The following GALNT13 variants were observed in gnomAD, a reference collection of about 807,000 sequenced individuals.
GALNT13 encodes the protein UDP-GalNAc:polypeptide N-acetylgalactosaminyltransferase 13.
A neutral mutation model predicts 64.2 loss-of-function variants in GALNT13; 28 were observed. The observed-to-expected ratio is 0.44, with a 90% CI of 0.32 to 0.60. The LOEUF (loss-of-function observed/expected upper bound fraction) is 0.60, where lower values mean the gene tolerates loss of function less well. GALNT13 is among the 20% of genes least tolerant of loss of function. The pLI, the probability that GALNT13 is intolerant of heterozygous loss-of-function variation, is 0.05. For synonymous variants in GALNT13, 214 were observed against 224.6 expected (o/e 0.95, Z 0.42); for missense variants, 577 against 669.8 (o/e 0.86, Z 1.53).
intron 2 of GALNT13, among the ~76,000 whole-genome samples, chr2:153,916,715 C>T (rs531433576): frequency 6.6e-6 from 1 of 152,066 alleles, no homozygotes; most frequent in Non-Finnish European, 1.5e-5. Flanking sequence ...TTTAGTTTAC[C>T]TATCTTATAT....
chr2:153,862,722 A>G, the GALNT13 span, among the ~76,000 whole-genome samples: 1 of 151,942 alleles, frequency 6.6e-6, no homozygotes, highest in Non-Finnish European at 1.5e-5. Flanking sequence ...ATTTTATAGC[A>G]TATATATATT....
At chr2:154,190,211 T>C (rs1025327314) in intron 4 of GALNT13, among the ~76,000 whole-genome samples, 3 of 152,160 alleles carry the variant, frequency 2.0e-5, no homozygotes, top group African/African-American at 7.2e-5. Context: ...TGGAGAGCAA[T>C]CCCCTTTGCC....
the GALNT13 span, chr2:153,159,074 T>G: frequency 5.8e-6 from 1 of 171,490 alleles, no homozygotes; most frequent in East Asian, 1.4e-4. Flanking sequence ...CTCTACCACC[T>G]CTTCCTGAAT....
At chr2:153,709,376 C>T in the GALNT13 span, among the ~76,000 whole-genome samples, 1 of 151,972 alleles carries the variant, frequency 6.6e-6, no homozygotes, top group Non-Finnish European at 1.5e-5. Context: ...AAATGGCTAA[C>T]AGATATATTA....
At chr2:153,544,335 G>A in the GALNT13 span, among the ~76,000 whole-genome samples, 12 of 152,210 alleles carry the variant, frequency 7.9e-5, no homozygotes, top group East Asian at 1.5e-3. Context: ...ACTTTCTTCC[G>A]TTGCTTCTTG....
chr2:153,641,590 T>A, the GALNT13 span, among the ~76,000 whole-genome samples: 1 of 152,146 alleles, frequency 6.6e-6, no homozygotes, highest in African/African-American at 2.4e-5. Flanking sequence ...CATGTTTACT[T>A]GTAAGCGGGA....
chr2:153,493,156 A>T, the GALNT13 span, among the ~76,000 whole-genome samples: 1 of 152,106 alleles, frequency 6.6e-6, no homozygotes, highest in South Asian at 2.1e-4. Context: ...GACGGAAATA[A>T]TAAAGCTGAG....
the GALNT13 span, among the ~76,000 whole-genome samples, chr2:153,603,238 A>C: frequency 1.3e-5 from 2 of 151,866 alleles, no homozygotes; most frequent in Non-Finnish European, 2.9e-5. Flanking sequence ...TTTTCTTTCC[A>C]TATGGACATA....
intron 3 of GALNT13, among the ~76,000 whole-genome samples, chr2:154,123,485 T>A (rs1682075037): frequency 6.6e-6 from 1 of 151,902 alleles, no homozygotes; most frequent in Non-Finnish European, 1.5e-5. Flanking sequence ...TAGAAAATTA[T>A]TAAATATATA....
the GALNT13 span, among the ~76,000 whole-genome samples, chr2:153,658,587 A>T: frequency 6.6e-6 from 1 of 152,130 alleles, no homozygotes. Context: ...GCATTTTTAA[A>T]AATTATCAAA....
intron 8 of GALNT13, among the ~76,000 whole-genome samples, chr2:154,280,723 A>G (rs889786999): frequency 2.0e-5 from 3 of 152,036 alleles, no homozygotes; most frequent in Admixed American, 6.6e-5. Context: ...TTCAAAGGGG[A>G]CTGGTTTGGC....
chr2:154,206,667 G>A (rs2105790471), intron 4 of GALNT13, among the ~76,000 whole-genome samples: 1 of 151,806 alleles, frequency 6.6e-6, no homozygotes, highest in East Asian at 2.0e-4. Context: ...TGTGGTGGTG[G>A]GTGCCTGTAA....
At chr2:153,604,508 G>T in the GALNT13 span, among the ~76,000 whole-genome samples, 1 of 151,892 alleles carries the variant, frequency 6.6e-6, no homozygotes, top group Non-Finnish European at 1.5e-5. Context: ...TATCATTAAG[G>T]TTTCAACTAA....
At chr2:154,035,827 G>A (rs1013316218) in intron 3 of GALNT13, among the ~76,000 whole-genome samples, 2 of 151,954 alleles carry the variant, frequency 1.3e-5, no homozygotes, top group African/African-American at 4.8e-5. Context: ...TTGTAGCATT[G>A]TTATATTATG....
chr2:153,537,070 A>C, the GALNT13 span, among the ~76,000 whole-genome samples: 1 of 152,178 alleles, frequency 6.6e-6, no homozygotes, highest in Non-Finnish European at 1.5e-5. Flanking sequence ...TTAGTAGACA[A>C]AGTAGGGGTG....
chr2:153,817,078 G>C, the GALNT13 span, among the ~76,000 whole-genome samples: 1 of 152,188 alleles, frequency 6.6e-6, no homozygotes, highest in Admixed American at 6.5e-5. Flanking sequence ...GAGCAACAGT[G>C]CATCATATAA....
At chr2:153,913,765 C>T (rs1689144353) in intron 2 of GALNT13, among the ~76,000 whole-genome samples, 1 of 152,030 alleles carries the variant, frequency 6.6e-6, no homozygotes, top group African/African-American at 2.4e-5. Context: ...GGTGCCCAGT[C>T]CCCTCTCCCT....
At chr2:153,220,055 C>A in the GALNT13 span, among the ~76,000 whole-genome samples, 1 of 152,192 alleles carries the variant, frequency 6.6e-6, no homozygotes, top group African/African-American at 2.4e-5. Flanking sequence ...TTGGCTCTTT[C>A]AGCTTTTGAT....
At chr2:154,039,087 T>C (rs1449408717) in intron 3 of GALNT13, among the ~76,000 whole-genome samples, 2 of 152,094 alleles carry the variant, frequency 1.3e-5, no homozygotes, top group Non-Finnish European at 2.9e-5. Context: ...AGAATAGCTA[T>C]TCTCAAAAAG....
Sources: gnomAD v4.1 joint callset for allele counts (sites outside exome capture counted in the v4.1 genomes callset) on GRCh38, gnomAD v4.1.1 for gene constraint, MANE v1.5 for transcripts, NCBI Gene and HGNC (gene_info 2026-07-23, HGNC 2026-07-21) for gene names.